VWDE: variants seen among roughly 807,000 people sequenced by gnomAD.
VWDE encodes the protein von Willebrand factor D and EGF domains, also known as von Willebrand factor D and EGF domain-containing protein.
In VWDE, 207 loss-of-function variants were observed where a neutral mutation model predicts 178.4. The observed-to-expected ratio is 1.16, with a 90% CI of 1.04 to 1.30. The LOEUF is 1.30. VWDE is among the 50% of genes most tolerant of loss of function. The pLI is 0.00. For synonymous variants in VWDE, 738 were observed against 651.4 expected (o/e 1.13, Z -2.02); for missense variants, 2,287 against 1,901.3 (o/e 1.20, Z -3.77).
chr7:12,334,696 G>C (rs909136742), intron 27 of VWDE, among the ~76,000 whole-genome samples: 3 of 152,214 alleles, frequency 2.0e-5, no homozygotes, highest in Non-Finnish European at 4.4e-5. Flanking sequence ...TAAAAATGCT[G>C]CAGGATGCAG....
chr7:12,347,325 G>A (rs910846868), intron 19 of VWDE, among the ~76,000 whole-genome samples: 20 of 152,242 alleles, frequency 1.3e-4, no homozygotes, highest in African/African-American at 4.8e-4. Context: ...TACCATTAAA[G>A]AAAGTAAGAA....
chr7:12,379,675 G>C (rs1400475066), intron 5 of VWDE, 109 bp from the exon 6 acceptor site: 5 of 631,800 alleles, frequency 7.9e-6, no homozygotes, highest in Admixed American at 3.4e-5. Flanking sequence ...AGTATATAAA[G>C]ATAATAAAAG....
In VWDE at chr7:12,389,377, C is replaced by A. The variant is rs1006965035; in HGVS notation, c.244-19G>T. On this transcript the variant is annotated intron_variant, in intron 2 of 28. Transcript: ENST00000275358. ...GGTTCATCTTTTGCAGGAGAGAAAA[C>A]AAAAGTTGAAAATTCAGTTTATTTT... The A allele has an allele frequency of 1.7e-5, 26 of 1,511,918 alleles. No homozygotes were observed. The highest frequency in any genetic ancestry group is 2.5e-5 in the East Asian group (1 of 40,266). 93.7% of individuals were successfully genotyped at this position (1,511,918 alleles called of 1,614,324 possible).
Position 12,389,478 on chromosome 7 carries a change from A to G in VWDE, c.244-120T>C. On this transcript the variant is annotated intron_variant, in intron 2 of 28. Coordinates refer to ENST00000275358, the MANE Select transcript of VWDE (RefSeq NM_001135924.3). ...AATATCATTAATCATTAAAAAAATTATGGCTTGTACCTGTTCTATACAAGG... is the reference window on the plus strand; with the variant it reads ...AATATCATTAATCATTAAAAAAATTGTGGCTTGTACCTGTTCTATACAAGG... 6 of 739,884 alleles carry G rather than the reference A, an allele frequency of 8.1e-6. No homozygotes were observed. The South Asian group carries it at 1.2e-4, about 15-fold the overall frequency. The allele number at this position is 739,884 out of a possible 1,614,324, so 45.8% of individuals were successfully genotyped here.
chr7:12,369,281 C>A lies in VWDE; in HGVS notation c.2761+264G>T, dbSNP rs185056755. Among the ~76,000 whole-genome samples the A allele has an allele frequency of 9.9e-5, 15 of 152,152 alleles. No homozygotes were observed. In the East Asian group the frequency reaches 2.9e-3, roughly 30 times the overall value. ...GAGCTGGAGTGGAACAACAGGGTGA[C>A]AGTAGCAGGGAATGAGTTTAGAGAG... On this transcript the variant is annotated intron_variant, in intron 12 of 28. Transcript: ENST00000275358.
intron 28 of VWDE, among the ~76,000 whole-genome samples, chr7:12,332,459 T>C (rs75018073): frequency 0.025 from 3,771 of 152,112 alleles, 159 homozygotes; most frequent in African/African-American, 0.079. Flanking sequence ...AAATAGAATA[T>C]AGAGCAGCCA....
intron 1 of VWDE, among the ~76,000 whole-genome samples, chr7:12,394,949 G>A (rs1428866659): frequency 6.6e-6 from 1 of 152,038 alleles, no homozygotes; most frequent in Non-Finnish European, 1.5e-5. Context: ...ATTTACAAGT[G>A]GATCTCACAA....
Position 12,403,768 on chromosome 7 carries a change from G to T in VWDE, c.-52C>A, listed in dbSNP as rs948746705. On this transcript the variant is annotated 5_prime_UTR_variant, in exon 1 of 29. Coordinates refer to ENST00000275358, the MANE Select transcript of VWDE (RefSeq NM_001135924.3). ...GCGTCGCAGAGCCCGGGCCGCGGGTGCCAGGAGGATGGGGCCACAGCAGCC... is the reference window on the plus strand; with the variant it reads ...GCGTCGCAGAGCCCGGGCCGCGGGTTCCAGGAGGATGGGGCCACAGCAGCC... 80 of 1,540,932 alleles carry T rather than the reference G, an allele frequency of 5.2e-5. No homozygotes were observed. The highest frequency in any genetic ancestry group is 6.8e-5 in the Non-Finnish European group (78 of 1,138,914).
At chr7:12,364,081 C>T (rs1259334106) in intron 13 of VWDE, among the ~76,000 whole-genome samples, 1 of 151,936 alleles carries the variant, frequency 6.6e-6, no homozygotes, top group East Asian at 1.9e-4. Flanking sequence ...CCAGTTTTCA[C>T]TTGTAAAGAA....
intron 12 of VWDE, among the ~76,000 whole-genome samples, chr7:12,368,715 T>C (rs909927040): frequency 1.3e-5 from 2 of 152,090 alleles, no homozygotes; most frequent in African/African-American, 4.8e-5. Flanking sequence ...CACATTTCAG[T>C]GGGGTCACCT....
intron 24 of VWDE, among the ~76,000 whole-genome samples, chr7:12,339,656 C>A (rs768778555): frequency 1.3e-5 from 2 of 152,094 alleles, no homozygotes; most frequent in Non-Finnish European, 2.9e-5. Flanking sequence ...TATGGAAATA[C>A]TCTGACATGT....
chr7:12,341,525 G>A (rs968463333), intron 23 of VWDE, among the ~76,000 whole-genome samples: 6 of 151,858 alleles, frequency 4.0e-5, no homozygotes, highest in Admixed American at 6.6e-5. Flanking sequence ...CCAGCTACTC[G>A]GGAGGCTGAG....
At chr7:12,346,416 G>A (rs1482355555) in intron 19 of VWDE, among the ~76,000 whole-genome samples, 2 of 152,014 alleles carry the variant, frequency 1.3e-5, no homozygotes, top group East Asian at 3.9e-4. Context: ...AAACACAGAA[G>A]AGTAAGTAAT....
intron 19 of VWDE, among the ~76,000 whole-genome samples, chr7:12,349,163 A>G (rs1024605650): frequency 2.0e-5 from 3 of 152,074 alleles, no homozygotes; most frequent in Non-Finnish European, 2.9e-5. Context: ...CCAGCATGGC[A>G]CATGTATACA....
intron 2 of VWDE, 104 bp from the exon 3 acceptor site, chr7:12,389,462 A>C (rs1784273631): frequency 1.2e-6 from 1 of 817,774 alleles, no homozygotes; most frequent in African/African-American, 1.7e-5. Context: ...AAATATCATT[A>C]ATCATTAAAA....
chr7:12,357,176 A>G, intron 17 of VWDE, 89 bp downstream of exon 17: 1 of 1,449,238 alleles, frequency 6.9e-7, no homozygotes, highest in Non-Finnish European at 9.2e-7. Flanking sequence ...GCTCTTTACA[A>G]CTAGCAATAT....
chr7:12,342,167 A>C lies in VWDE; in HGVS notation c.4175-13T>G, dbSNP rs761857760. On this transcript the variant is annotated splice_polypyrimidine_tract_variant and intron_variant, in intron 22 of 28. Transcript: ENST00000275358. ...CTGTTACAAACCACTGAGATCATAG[A>C]ATAAAGAGAAAAGAAAGATTAGGCT... is the stretch of plus-strand genomic sequence containing the variant. 87 of 1,548,646 alleles carry C rather than the reference A, an allele frequency of 5.6e-5. No homozygotes were observed. The highest frequency in any genetic ancestry group is 7.3e-5 in the Non-Finnish European group (84 of 1,144,638).
chr7:12,399,799 T>C (rs563054770), intron 1 of VWDE, among the ~76,000 whole-genome samples: 2 of 152,194 alleles, frequency 1.3e-5, no homozygotes, highest in African/African-American at 2.4e-5. Context: ...CTAGGCAACA[T>C]AGTAAGATCC....
chr7:12,403,764 G>T lies in VWDE; in HGVS notation c.-48C>A, dbSNP rs17166017. On this transcript the variant is annotated 5_prime_UTR_variant, in exon 1 of 29. Coordinates refer to ENST00000275358, the MANE Select transcript of VWDE (RefSeq NM_001135924.3). ...AAAGGCGTCGCAGAGCCCGGGCCGC[G>T]GGTGCCAGGAGGATGGGGCCACAGC... 2 of 1,545,192 alleles carry T rather than the reference G, an allele frequency of 1.3e-6. No individual in the cohort carries two copies. The highest frequency in any genetic ancestry group is 3.9e-5 in the Admixed American group (2 of 50,814).
Sources: allele counts gnomAD v4.1 joint callset (sites outside exome capture counted in the v4.1 genomes callset), GRCh38; gene constraint gnomAD v4.1.1; transcripts MANE v1.5; gene names NCBI Gene and HGNC (gene_info 2026-07-23, HGNC 2026-07-21).